Variants in LAMA3 observed in about 807,000 individuals in gnomAD.
LAMA3 encodes laminin subunit alpha-3.
A neutral mutation model predicts 402.0 loss-of-function variants in LAMA3; 281 were observed. The observed-to-expected ratio is 0.70, with a 90% CI of 0.63 to 0.77. The LOEUF is 0.77. LAMA3 is among the 30% of genes least tolerant of loss of function. The pLI is 0.00. For missense variants in LAMA3, 3,840 were observed against 4,215.5 expected, an observed-to-expected ratio of 0.91 and a Z score of 2.47; for synonymous variants, 1,431 against 1,558.4, an observed-to-expected ratio of 0.92 and a Z score of 1.93.
At chr18:23,950,294 T>TA in intron 72 of LAMA3, 135 bp downstream of exon 72, 1 of 948,358 alleles carries the variant, frequency 1.1e-6, no homozygotes, top group Non-Finnish European at 1.6e-6. Context: ...AGTGCTAACT[T>TA]ACCATTTTCC....
At position 23,832,070 on chromosome 18, in the gene LAMA3, A is replaced by G. The variant is rs534329519; in HGVS notation, c.2824-1758A>G. ...CAAATGTACCTTAAACTCTTCAAAC[A>G]AGTCTTCCAACAGGTAATCCATATA... is the stretch of plus-strand genomic sequence containing the variant. On this transcript the variant is annotated intron_variant, in intron 23 of 74. Coordinates refer to ENST00000313654, the MANE Select transcript of LAMA3 (RefSeq NM_198129.4). Among the ~76,000 whole-genome samples the G allele has an allele frequency of 3.3e-5, 5 of 152,338 alleles. No homozygotes were observed. The East Asian group carries it at 5.8e-4, about 18-fold the overall frequency.
intron 70 of LAMA3, among the ~76,000 whole-genome samples, chr18:23,947,813 T>G (rs1675331804): frequency 4.3e-5 from 1 of 23,056 alleles, no homozygotes; most frequent in Non-Finnish European, 1.1e-3. Flanking sequence ...TCCTATTTTC[T>G]TTTTTTTTTT....
At chr18:23,805,080 T>C (rs2062936221) in intron 12 of LAMA3, among the ~76,000 whole-genome samples, 1 of 152,214 alleles carries the variant, frequency 6.6e-6, no homozygotes, top group African/African-American at 2.4e-5. Flanking sequence ...ATTGCTGGCC[T>C]GGCCAGTTGA....
chr18:23,775,412 C>T (rs2062292905), intron 9 of LAMA3, among the ~76,000 whole-genome samples: 1 of 152,166 alleles, frequency 6.6e-6, no homozygotes, highest in African/African-American at 2.4e-5. Context: ...ACTTTGTGGG[C>T]ATTCACAGTT....
In LAMA3 at chr18:23,846,489, C is replaced by T. The variant is rs372860159; in HGVS notation, c.3912C>T (p.Tyr1304=). 102 of 1,610,212 alleles carry T rather than the reference C, an allele frequency of 6.3e-5. No individual in the cohort carries two copies. In the African/African-American group the frequency reaches 1.0e-3, roughly 16 times the overall value. ...GCACCCGCTGTGCAACAGGCCACTACGGATTCCCACGCTGCAAGCGTAAGT... is the reference window on the plus strand; with the variant it reads ...GCACCCGCTGTGCAACAGGCCACTATGGATTCCCACGCTGCAAGCGTAAGT... ...RQCTRCATGH[Y]GFPRCKPCSC... The change falls in exon 31 of 75, where the codon TAC becomes TAT. Residue 1304 remains tyrosine, a synonymous_variant. Coordinates refer to ENST00000313654, the MANE Select transcript of LAMA3 (RefSeq NM_198129.4).
At chr18:23,757,012 C>G (rs1412298653) in intron 6 of LAMA3, among the ~76,000 whole-genome samples, 1 of 149,660 alleles carries the variant, frequency 6.7e-6, no homozygotes, top group Non-Finnish European at 1.5e-5. Context: ...GTCCAGGAGC[C>G]CCAGACTCTG....
intron 11 of LAMA3, among the ~76,000 whole-genome samples, chr18:23,781,055 G>GAGAT (rs1406278713): frequency 6.6e-6 from 1 of 152,208 alleles, no homozygotes; most frequent in East Asian, 1.9e-4. Flanking sequence ...GGATTTTCTT[G>GAGAT]AGATATAATC....
At chr18:23,722,515 A>G (rs2061232720) in intron 2 of LAMA3, among the ~76,000 whole-genome samples, 1 of 152,246 alleles carries the variant, frequency 6.6e-6, no homozygotes, top group Non-Finnish European at 1.5e-5. Flanking sequence ...ACTGAATTAT[A>G]TGTCTTGCTA....
chr18:23,864,178 A>AT (rs2064293887), intron 35 of LAMA3, among the ~76,000 whole-genome samples: 1 of 152,044 alleles, frequency 6.6e-6, no homozygotes, highest in Admixed American at 6.6e-5. Context: ...AGAAAAAAAA[A>AT]GGAACACGAC....
intron 11 of LAMA3, 138 bp downstream of exon 11, chr18:23,777,757 A>G: frequency 1.4e-6 from 1 of 736,200 alleles, no homozygotes; most frequent in East Asian, 2.6e-5. Context: ...GGTGTCTCCT[A>G]GTTGACCTAC....
intron 37 of LAMA3, 59 bp downstream of exon 37, chr18:23,867,976 C>A: frequency 7.7e-7 from 1 of 1,291,686 alleles, no homozygotes; most frequent in Non-Finnish European, 1.1e-6. Flanking sequence ...TTATTTCAGA[C>A]AATCATGATT....
intron 2 of LAMA3, among the ~76,000 whole-genome samples, chr18:23,744,797 A>C (rs1252642558): frequency 2.9e-5 from 4 of 136,358 alleles, no homozygotes; most frequent in African/African-American, 8.8e-5. Context: ...GCACCACTGC[A>C]CTCCAGCCTG....
chr18:23,813,629 C>T (rs546754817), intron 14 of LAMA3, among the ~76,000 whole-genome samples: 1 of 150,034 alleles, frequency 6.7e-6, no homozygotes, highest in African/African-American at 2.5e-5. Flanking sequence ...CTGCAACCTC[C>T]GCCTCCTGGG....
chr18:23,775,813 A>C lies in LAMA3; in HGVS notation c.1295A>C (p.His432Pro). The C allele has an allele frequency of 4.3e-6, 7 of 1,614,046 alleles. No homozygotes were observed. Among genetic ancestry groups the C allele is most frequent in the Non-Finnish European group, 4.2e-6 (5 of 1,179,882 alleles). The change falls in exon 10 of 75, where the codon CAT becomes CCT. Residue 432 changes from histidine (H) to proline (P), a missense_variant. Transcript: ENST00000313654. Reference sequence around the variant, plus strand: ...TTAGCCTGCAGCTGTGACCCTGAGCATGCGGATGGCTGTGAACAGGGTTCA... The same window carrying C: ...TTAGCCTGCAGCTGTGACCCTGAGCCTGCGGATGGCTGTGAACAGGGTTCA... Reference protein sequence around the residue: ...GCIPCSCDPEHADGCEQGSGR... With the variant: ...GCIPCSCDPEPADGCEQGSGR...
At chr18:23,752,732 T>C (rs893764303) in intron 5 of LAMA3, among the ~76,000 whole-genome samples, 15 of 152,202 alleles carry the variant, frequency 9.9e-5, no homozygotes, top group Admixed American at 6.5e-4. Flanking sequence ...GAAGCATTGA[T>C]ACTTTAACAG....
intron 5 of LAMA3, among the ~76,000 whole-genome samples, chr18:23,752,676 A>G (rs1263727884): frequency 6.6e-6 from 1 of 152,170 alleles, no homozygotes; most frequent in Non-Finnish European, 1.5e-5. Context: ...CTTTATCTGT[A>G]TTAACAAGGG....
Position 23,784,105 on chromosome 18 carries a change from C to A in LAMA3, c.1551C>A (p.Gly517=), listed in dbSNP as rs752198870. 1.2e-6 allele frequency: 2 copies of A among 1,614,054 alleles called. No homozygotes were observed. The highest frequency in any genetic ancestry group is 2.2e-5 in the East Asian group (1 of 44,878). Reference sequence around the variant, plus strand: ...GCCTGTGCCGCCCTGGGGTTGAGGGCCCTCGATGTGATACCTGCCGCTCTG... The same window carrying A: ...GCCTGTGCCGCCCTGGGGTTGAGGGACCTCGATGTGATACCTGCCGCTCTG... ...GRCLCRPGVE[G]PRCDTCRSGF... Residue 517 remains glycine, a synonymous_variant, in exon 12 of 75, where the codon GGC becomes GGA. Transcript: ENST00000313654.
At chr18:23,722,835 C>T (rs917012576) in intron 2 of LAMA3, among the ~76,000 whole-genome samples, 4 of 152,078 alleles carry the variant, frequency 2.6e-5, no homozygotes, top group African/African-American at 7.2e-5. Context: ...GTGAGTCTTA[C>T]GATGCAACTT....
intron 64 of LAMA3, among the ~76,000 whole-genome samples, chr18:23,929,280 C>A (rs1253976187): frequency 1.3e-5 from 2 of 152,186 alleles, no homozygotes; most frequent in African/African-American, 2.4e-5. Context: ...CACATAAATT[C>A]TCTTCCACAA....
Sources: allele counts gnomAD v4.1 joint callset (sites outside exome capture counted in the v4.1 genomes callset), GRCh38; gene constraint gnomAD v4.1.1; transcripts MANE v1.5; gene names NCBI Gene and HGNC (gene_info 2026-07-23, HGNC 2026-07-21).